The following GRM5 variants were observed in gnomAD, a reference collection of about 807,000 sequenced individuals.
The protein encoded by GRM5 is metabotropic glutamate receptor 5.
Under a neutral mutation model 83.1 loss-of-function variants are expected in GRM5, and 19 were observed. The ratio of observed to expected loss-of-function variants is 0.23; its 90% CI spans 0.16 to 0.34. The LOEUF (loss-of-function observed/expected upper bound fraction) is 0.34. Ranked by LOEUF, GRM5 falls within the 10% of genes least tolerant of loss-of-function variation. The probability of loss-of-function intolerance (pLI) is 1.00; values close to 1 mark genes in which losing one functional copy is unlikely to be tolerated. For synonymous variants in GRM5, 675 were observed against 633.6 expected (o/e 1.07, Z -0.98); for missense variants, 1,160 against 1,588.3 (o/e 0.73, Z 4.58).
intron 7 of GRM5, among the ~76,000 whole-genome samples, chr11:88,574,639 C>T (rs1281377107): frequency 6.6e-6 from 1 of 152,048 alleles, no homozygotes; most frequent in African/African-American, 2.4e-5. Flanking sequence ...TGGTGGCAGG[C>T]ACCTGTAGTC....
At chr11:88,694,307 G>A (rs922578419) in intron 3 of GRM5, among the ~76,000 whole-genome samples, 7 of 152,096 alleles carry the variant, frequency 4.6e-5, no homozygotes, top group African/African-American at 1.2e-4. Flanking sequence ...TTTACACACC[G>A]TTAGGTCTCC....
At chr11:88,693,549 T>A (rs1048670693) in intron 3 of GRM5, among the ~76,000 whole-genome samples, 2 of 152,164 alleles carry the variant, frequency 1.3e-5, no homozygotes, top group Non-Finnish European at 2.9e-5. Flanking sequence ...CTTAGTCTAA[T>A]GTCAAATGGG....
At chr11:88,825,277 A>G (rs565379741) in intron 3 of GRM5, among the ~76,000 whole-genome samples, 3 of 151,448 alleles carry the variant, frequency 2.0e-5, no homozygotes, top group Non-Finnish European at 4.4e-5. Flanking sequence ...GTACTGCTGA[A>G]TTTTTTCTTT....
intron 2 of GRM5, among the ~76,000 whole-genome samples, chr11:88,901,269 TTGAC>T (rs1199798248): frequency 2.0e-5 from 3 of 152,154 alleles, no homozygotes; most frequent in African/African-American, 7.2e-5. Context: ...TATCTATTGA[TTGAC>T]TTTGATGTTG....
chr11:88,853,448 T>G (rs1458090390), intron 2 of GRM5, among the ~76,000 whole-genome samples: 2 of 151,984 alleles, frequency 1.3e-5, no homozygotes, highest in East Asian at 3.9e-4. Context: ...ATGTATGTGA[T>G]TAAGGGAATT....
chr11:88,791,441 C>T (rs567437666), intron 3 of GRM5, among the ~76,000 whole-genome samples: 1 of 152,254 alleles, frequency 6.6e-6, no homozygotes, highest in Admixed American at 6.5e-5. Flanking sequence ...TCAGCAAATG[C>T]TGAGCTGCTA....
chr11:88,728,826 C>G (rs556095158), intron 3 of GRM5, among the ~76,000 whole-genome samples: 1 of 152,126 alleles, frequency 6.6e-6, no homozygotes, highest in African/African-American at 2.4e-5. Flanking sequence ...ATTCAACACC[C>G]CTTCATGCTA....
At chr11:88,578,688 T>G (rs974639267) in intron 7 of GRM5, among the ~76,000 whole-genome samples, 6 of 152,148 alleles carry the variant, frequency 3.9e-5, no homozygotes, top group African/African-American at 1.4e-4. Flanking sequence ...ACTCATCTTG[T>G]AGGAAGAAAA....
At chr11:88,683,934 G>A (rs1235327503) in intron 3 of GRM5, among the ~76,000 whole-genome samples, 1 of 152,152 alleles carries the variant, frequency 6.6e-6, no homozygotes, top group African/African-American at 2.4e-5. Context: ...AAAATGCGAT[G>A]GAGTAGATAA....
intron 4 of GRM5, among the ~76,000 whole-genome samples, chr11:88,635,756 G>A (rs148286615): frequency 1.9e-4 from 29 of 152,048 alleles, no homozygotes; most frequent in East Asian, 1.7e-3. Flanking sequence ...AAAAATCATC[G>A]TCCAGGCCAC....
At chr11:88,715,296 T>C (rs957917478) in intron 3 of GRM5, among the ~76,000 whole-genome samples, 1 of 151,994 alleles carries the variant, frequency 6.6e-6, no homozygotes, top group Admixed American at 6.6e-5. Context: ...AGGAACGACC[T>C]GCAGAGAGAC....
intron 7 of GRM5, among the ~76,000 whole-genome samples, chr11:88,587,852 C>A (rs1166196257): frequency 6.6e-6 from 1 of 152,150 alleles, no homozygotes; most frequent in African/African-American, 2.4e-5. Flanking sequence ...ACTTCTCTAT[C>A]AAACCTAGCA....
intron 2 of GRM5, among the ~76,000 whole-genome samples, chr11:89,036,860 T>G (rs1295954264): frequency 6.6e-6 from 1 of 152,180 alleles, no homozygotes; most frequent in African/African-American, 2.4e-5. Flanking sequence ...AAACTACTTT[T>G]ATAATACTTT....
intron 3 of GRM5, among the ~76,000 whole-genome samples, chr11:88,714,036 A>C (rs1036262933): frequency 6.6e-6 from 1 of 151,994 alleles, no homozygotes; most frequent in African/African-American, 2.4e-5. Flanking sequence ...TTTGAGTTCA[A>C]ATAGGTGGAT....
intron 4 of GRM5, among the ~76,000 whole-genome samples, chr11:88,620,065 C>T (rs1055428363): frequency 2.0e-5 from 3 of 152,194 alleles, no homozygotes; most frequent in African/African-American, 7.2e-5. Flanking sequence ...GAACATCCCT[C>T]CCTCCAAGCC....
At chr11:88,740,089 A>C (rs1381815741) in intron 3 of GRM5, among the ~76,000 whole-genome samples, 3 of 152,084 alleles carry the variant, frequency 2.0e-5, no homozygotes, top group Non-Finnish European at 4.4e-5. Flanking sequence ...GAGTTTCTCC[A>C]GTATAAGTTT....
chr11:88,905,314 A>ATTAT (rs1345363817), intron 2 of GRM5, among the ~76,000 whole-genome samples: 1 of 152,096 alleles, frequency 6.6e-6, no homozygotes, highest in Non-Finnish European at 1.5e-5. Flanking sequence ...AGGTTACTTT[A>ATTAT]TTATTTATTT....
chr11:88,654,234 G>C (rs1219547538), intron 3 of GRM5, among the ~76,000 whole-genome samples: 2 of 152,074 alleles, frequency 1.3e-5, no homozygotes, highest in Admixed American at 1.3e-4. Context: ...TGCTAGAGGA[G>C]AGTATAACAG....
At chr11:88,896,160 G>A (rs1159037054) in intron 2 of GRM5, among the ~76,000 whole-genome samples, 1 of 151,834 alleles carries the variant, frequency 6.6e-6, no homozygotes, top group Non-Finnish European at 1.5e-5. Flanking sequence ...ATTTGATGAG[G>A]TAACTACATC....
Sources: allele counts gnomAD v4.1 joint callset (sites outside exome capture counted in the v4.1 genomes callset), GRCh38; gene constraint gnomAD v4.1.1; transcripts MANE v1.5; gene names NCBI Gene and HGNC (gene_info 2026-07-23, HGNC 2026-07-21).